COL9A2: variants seen among roughly 807,000 people sequenced by gnomAD.
The protein encoded by COL9A2 is collagen alpha-2(IX) chain.
A neutral mutation model predicts 111.6 loss-of-function variants in COL9A2; 66 were observed. The ratio of observed to expected loss-of-function variants is 0.59; its 90% CI spans 0.48 to 0.73. COL9A2 has a LOEUF of 0.73. Ranked by LOEUF, COL9A2 falls within the 30% of genes least tolerant of loss-of-function variation. The pLI, the probability that COL9A2 is intolerant of heterozygous loss-of-function variation, is 0.00. For synonymous variants in COL9A2, 353 were observed against 364.1 expected, an observed-to-expected ratio of 0.97 and a Z score of 0.35; for missense variants, 881 against 954.1, an observed-to-expected ratio of 0.92 and a Z score of 1.01.
In COL9A2 at chr1:40,302,854, G is replaced by C. The variant is rs1355365456; in HGVS notation, c.1604-45C>G. ...GAGGGAGAGGGAAGTCTATGAGATG[G>C]GTGTCAGCAGTAACACTAGGGGAGG... On this transcript the variant is annotated intron_variant, in intron 29 of 31. Transcript: ENST00000372748. The surrounding 1 kb of genome is among the most constrained non-coding windows in gnomAD (Gnocchi z 4.5). The C allele has an allele frequency of 3.3e-6, 5 of 1,521,392 alleles. No individual in the cohort carries two copies. The highest frequency in any genetic ancestry group is 4.4e-6 in the Non-Finnish European group (5 of 1,127,686). 94.2% of individuals were successfully genotyped at this position (1,521,392 alleles called of 1,614,324 possible). A position where few individuals can be genotyped will look rare whatever the true frequency, so the allele number is the denominator to read the frequency against.
intron 21 of COL9A2, 187 bp from the exon 22 acceptor site, chr1:40,305,034 A>G: frequency 4.4e-6 from 2 of 457,954 alleles, no homozygotes; most frequent in South Asian, 7.8e-5. Context: ...AATTTGAATT[A>G]CTTATCATGT....
chr1:40,303,456 C>T lies in COL9A2; in HGVS notation c.1548+74G>A. 6.3e-7 allele frequency: 1 copy of T among 1,589,102 alleles called. No individual in the cohort carries two copies. Among genetic ancestry groups the T allele is most frequent in the Non-Finnish European group, 8.6e-7 (1 of 1,164,924 alleles). On this transcript the variant is annotated intron_variant, in intron 28 of 31. Transcript: ENST00000372748. The surrounding 1 kb of genome is among the most constrained non-coding windows in gnomAD (Gnocchi z 4.6). ...TCGGTGAGTCTCTGGGAATCCCTAG[C>T]CTTTGGCGGGTAAGCCGCACCCCAG...
rs77550258 is a variant in COL9A2 at position 40,310,095 on chromosome 1, G to A, written c.792+16C>T. 11,091 of 1,613,936 alleles carry A rather than the reference G, an allele frequency of 6.9e-3. 647 individuals are homozygous for A. In the African/African-American group the frequency reaches 0.13, roughly 18 times the overall value. On this transcript the variant is annotated intron_variant, in intron 15 of 31. Transcript: ENST00000372748. The surrounding 1 kb of genome is among the most constrained non-coding windows in gnomAD (Gnocchi z 4.9). ...GAGCTCCAGCCTCAGGGGTAGGGGAGCAAAAAGAGGCTTACCGGTGGCCCA... is the reference window on the plus strand; with the variant it reads ...GAGCTCCAGCCTCAGGGGTAGGGGAACAAAAAGAGGCTTACCGGTGGCCCA...
intron 17 of COL9A2, 50 bp downstream of exon 17, chr1:40,308,142 C>G: frequency 3.8e-6 from 6 of 1,575,336 alleles, no homozygotes; most frequent in Non-Finnish European, 4.4e-6. Flanking sequence ...TTGGACAAAG[C>G]AGCTGGGCCC....
At position 40,303,888 on chromosome 1, in the gene COL9A2, C is replaced by G; in HGVS notation, c.1368+40G>C. 1 of 1,549,102 alleles carries G rather than the reference C, an allele frequency of 6.5e-7. No homozygotes were observed. The highest frequency in any genetic ancestry group is 8.7e-7 in the Non-Finnish European group (1 of 1,146,548). On this transcript the variant is annotated intron_variant, in intron 26 of 31. Transcript: ENST00000372748. This position sits in a 1 kb window ranked among gnomAD's most constrained non-coding sequence, Gnocchi z 4.6. ...CACGAAGCCGCGGGGACCCCGGGGCCAGCCGCCGCTCCCCGCCCTTCCCTA... is the reference window on the plus strand; with the variant it reads ...CACGAAGCCGCGGGGACCCCGGGGCGAGCCGCCGCTCCCCGCCCTTCCCTA...
rs202197368 is a variant in COL9A2, at chr1:40,310,349, A to G, written c.685-32T>C. 7.6e-4 allele frequency: 1,222 copies of G among 1,609,538 alleles called. 1 individual carries two copies. Among genetic ancestry groups the G allele is most frequent in the Non-Finnish European group, 9.2e-4 (1,087 of 1,176,178 alleles). On this transcript the variant is annotated intron_variant, in intron 13 of 31. Transcript: ENST00000372748. This position sits in a 1 kb window ranked among gnomAD's most constrained non-coding sequence, Gnocchi z 4.9. ...AGAAAGAAAAATGACAGCAATGGCA[A>G]TTGCAAGGCCCACTTCATGATACCT...
chr1:40,315,576 G>C lies in COL9A2; in HGVS notation c.150+14C>G. On this transcript the variant is annotated intron_variant, in intron 2 of 31. Coordinates refer to ENST00000372748, the MANE Select transcript of COL9A2 (RefSeq NM_001852.4). ...CCGCCTCCCTCCCGCCCTGGTCTCA[G>C]GTTAGAGACTTACGTCGATGCCGTC... The C allele has an allele frequency of 6.4e-7, 1 of 1,551,494 alleles. No homozygotes were observed. Among genetic ancestry groups the C allele is most frequent in the Non-Finnish European group, 8.7e-7 (1 of 1,146,570 alleles).
In COL9A2 at chr1:40,314,463, G is replaced by T. The variant is rs1239576950; in HGVS notation, c.151-76C>A. On this transcript the variant is annotated intron_variant, in intron 2 of 31. Transcript: ENST00000372748. The surrounding 1 kb of genome is among the most constrained non-coding windows in gnomAD (Gnocchi z 4.1). The stretch of plus-strand genomic sequence containing the variant: ...AGTGGGCACACACAGGCCCTGGCAG[G>T]CCGCTCCCAAAGGCTCTCCTCACTC... 3 of 1,580,186 alleles carry T rather than the reference G, an allele frequency of 1.9e-6. No individual in the cohort carries two copies. The highest frequency in any genetic ancestry group is 1.3e-5 in the African/African-American group (1 of 74,220).
At position 40,301,070 on chromosome 1, in the gene COL9A2, A is replaced by G. The variant is rs564283453; in HGVS notation, c.*112T>C. ...TCCTTAGGACTCCTGAGTCCCAGAC[A>G]GAAGGTCCTGGGGGAGATGGTTTCC... is the stretch of plus-strand genomic sequence containing the variant. On this transcript the variant is annotated 3_prime_UTR_variant, in exon 32 of 32. Coordinates refer to ENST00000372748, the MANE Select transcript of COL9A2 (RefSeq NM_001852.4). 1.9e-5 allele frequency: 22 copies of G among 1,135,878 alleles called. No homozygotes were observed. The South Asian group carries it at 2.8e-4, about 14-fold the overall frequency. 70.4% of individuals were successfully genotyped at this position (1,135,878 alleles called of 1,614,324 possible).
rs757717960 is a variant in COL9A2 at position 40,303,789 on chromosome 1, C to G, written c.1401+18G>C. 3.2e-6 allele frequency: 5 copies of G among 1,562,666 alleles called. No individual in the cohort carries two copies. Among genetic ancestry groups the G allele is most frequent in the Admixed American group, 1.9e-5 (1 of 51,952 alleles). The stretch of plus-strand genomic sequence containing the variant: ...GCCGCCCAGGAAAGTCGGAGAACGC[C>G]GGGAGGGGAGGACTCACCTGTCCCT... On this transcript the variant is annotated intron_variant, in intron 27 of 31. Coordinates refer to ENST00000372748, the MANE Select transcript of COL9A2 (RefSeq NM_001852.4). This position sits in a 1 kb window ranked among gnomAD's most constrained non-coding sequence, Gnocchi z 4.6.
chr1:40,306,228 G>A, intron 19 of COL9A2, 41 bp from the exon 20 acceptor site: 2 of 1,612,752 alleles, frequency 1.2e-6, no homozygotes, highest in Non-Finnish European at 1.7e-6. Flanking sequence ...CCTGGCATGA[G>A]GGAGCCCCAT....
At position 40,301,854 on chromosome 1, in the gene COL9A2, C is replaced by T. The variant is rs1406374016; in HGVS notation, c.1828G>A (p.Gly610Arg). The change falls in exon 31 of 32, where the codon GGA (glycine) becomes AGA (arginine). Residue 610 changes from glycine to arginine, a missense_variant. Coordinates refer to ENST00000372748, the MANE Select transcript of COL9A2 (RefSeq NM_001852.4). ...CCAGGCATCCCGGGGTGCCCCCGTC[C>T]CACTTCTCCTGGATCACCCTTCTCT... ...RGEKGDPGEVGRGHPGMPGPP... is the reference protein window; with the variant it reads ...RGEKGDPGEVRRGHPGMPGPP... 5 of 1,614,104 alleles carry T rather than the reference C, an allele frequency of 3.1e-6. No individual in the cohort carries two copies. The highest frequency in any genetic ancestry group is 1.1e-5 in the South Asian group (1 of 91,044).
chr1:40,304,587 C>T, intron 22 of COL9A2, 58 bp from the exon 23 acceptor site: 1 of 1,597,822 alleles, frequency 6.3e-7, no homozygotes, highest in Non-Finnish European at 8.6e-7. Context: ...TAGCCTCCCG[C>T]ACCGAGGCCT....
chr1:40,307,420 C>A lies in COL9A2; in HGVS notation c.1008+26G>T. On this transcript the variant is annotated intron_variant, in intron 19 of 31. Coordinates refer to ENST00000372748, the MANE Select transcript of COL9A2 (RefSeq NM_001852.4). This position sits in a 1 kb window ranked among gnomAD's most constrained non-coding sequence, Gnocchi z 4.8. ...TCATCAGCCACTAGCCCCTGGCCAG[C>A]CCCTGTGGCTCCACCTGACACTTAC... 6.2e-7 allele frequency: 1 copy of A among 1,612,058 alleles called. No individual in the cohort carries two copies. Among genetic ancestry groups the A allele is most frequent in the Non-Finnish European group, 8.5e-7 (1 of 1,178,778 alleles).
rs1003909252 is a variant in COL9A2 at position 40,316,372 on chromosome 1, T to C, written c.76-708A>G. Reference sequence around the variant, plus strand: ...AGCAGACCCTCTCTCTGGATCCCGTTTGCCTGCAATTCAATGCCCCTGGGT... The same window carrying C: ...AGCAGACCCTCTCTCTGGATCCCGTCTGCCTGCAATTCAATGCCCCTGGGT... On this transcript the variant is annotated intron_variant, in intron 1 of 31. Coordinates refer to ENST00000372748, the MANE Select transcript of COL9A2 (RefSeq NM_001852.4). This position sits in a 1 kb window ranked among gnomAD's most constrained non-coding sequence, Gnocchi z 5.5. Among the ~76,000 whole-genome samples, 2 of 152,104 alleles carry C rather than the reference T, an allele frequency of 1.3e-5. No homozygotes were observed. The highest frequency in any genetic ancestry group is 2.9e-5 in the Non-Finnish European group (2 of 68,008).
At chr1:40,301,491 G>A in intron 31 of COL9A2, 110 bp from the exon 32 acceptor site, 1 of 900,116 alleles carries the variant, frequency 1.1e-6, no homozygotes, top group Non-Finnish European at 1.7e-6. Flanking sequence ...AACACCATAG[G>A]AGAAAGGACT....
Position 40,317,265 on chromosome 1 carries a change from G to A in COL9A2, c.-68C>T, listed in dbSNP as rs1021890647. 5.9e-5 allele frequency: 70 copies of A among 1,190,256 alleles called. No individual in the cohort carries two copies. Among genetic ancestry groups the A allele is most frequent in the Non-Finnish European group, 8.1e-5 (68 of 843,636 alleles). 73.7% of individuals were successfully genotyped at this position (1,190,256 alleles called of 1,614,324 possible). On this transcript the variant is annotated 5_prime_UTR_variant, in exon 1 of 32. Transcript: ENST00000372748. The surrounding 1 kb of genome is among the most constrained non-coding windows in gnomAD (Gnocchi z 4.3). ...CGCACCGACGGCAGAGTCTCCCGGC[G>A]CTCCTCCAGCGCTGGCTGTTCGCGG... is the stretch of plus-strand genomic sequence containing the variant.
chr1:40,302,841 A>G lies in COL9A2; in HGVS notation c.1604-32T>C. The G allele has an allele frequency of 6.5e-7, 1 of 1,531,012 alleles. No individual in the cohort carries two copies. The highest frequency in any genetic ancestry group is 2.0e-5 in the Admixed American group (1 of 50,930). The allele number at this position is 1,531,012 out of a possible 1,614,324, so 94.8% of individuals were successfully genotyped here. A position where few individuals can be genotyped will look rare whatever the true frequency, so the allele number is the denominator to read the frequency against. ...GGAGGGAGGGAGGGAGGGAGAGGGA[A>G]GTCTATGAGATGGGTGTCAGCAGTA... On this transcript the variant is annotated intron_variant, in intron 29 of 31. Transcript: ENST00000372748. This position sits in a 1 kb window ranked among gnomAD's most constrained non-coding sequence, Gnocchi z 4.5.
At position 40,311,019 on chromosome 1, in the gene COL9A2, C is replaced by T. The variant is rs3737816; in HGVS notation, c.630+74G>A. The T allele has an allele frequency of 0.023, 36,674 of 1,585,464 alleles. 556 individuals are homozygous for T. Among genetic ancestry groups the T allele is most frequent in the South Asian group, 0.05 (4,510 of 90,440 alleles). The stretch of plus-strand genomic sequence containing the variant: ...GAACCCACAGGGGAAGGGGAAGGGA[C>T]GAAGAAGGGGACAGAGCCCTGTAGG... On this transcript the variant is annotated intron_variant, in intron 12 of 31. Coordinates refer to ENST00000372748, the MANE Select transcript of COL9A2 (RefSeq NM_001852.4). This position sits in a 1 kb window ranked among gnomAD's most constrained non-coding sequence, Gnocchi z 5.1.
Sources: allele counts gnomAD v4.1 joint callset (sites outside exome capture counted in the v4.1 genomes callset), GRCh38; gene constraint gnomAD v4.1.1; non-coding constraint Gnocchi (gnomAD v3.1); transcripts MANE v1.5; gene names NCBI Gene and HGNC (gene_info 2026-07-23, HGNC 2026-07-21).